The following PPP2R1B variants were observed in gnomAD, a reference collection of about 807,000 sequenced individuals.
The protein encoded by PPP2R1B is protein phosphatase 2 scaffold subunit Abeta, also known as serine/threonine-protein phosphatase 2A 65 kDa regulatory subunit A beta isoform.
A neutral mutation model predicts 72.7 loss-of-function variants in PPP2R1B; 58 were observed. The observed-to-expected ratio is 0.80, with a 90% CI of 0.65 to 0.99. The LOEUF (loss-of-function observed/expected upper bound fraction) is 0.99. Ranked by LOEUF, PPP2R1B falls within the 50% of genes least tolerant of loss-of-function variation. The pLI, the probability that PPP2R1B is intolerant of heterozygous loss-of-function variation, is 0.00. For synonymous variants in PPP2R1B, 256 were observed against 264.6 expected, an observed-to-expected ratio of 0.97 and a Z score of 0.32; for missense variants, 695 against 733.6, an observed-to-expected ratio of 0.95 and a Z score of 0.61.
intron 9 of PPP2R1B, among the ~76,000 whole-genome samples, chr11:111,752,829 G>A (rs1944959547): frequency 6.6e-6 from 1 of 152,154 alleles, no homozygotes; most frequent in Non-Finnish European, 1.5e-5. Context: ...TGGGTGCTGT[G>A]GCAGGCGCCT....
the PPP2R1B span, among the ~76,000 whole-genome samples, chr11:111,695,531 A>G: frequency 6.6e-6 from 1 of 152,336 alleles, no homozygotes; most frequent in African/African-American, 2.4e-5. Flanking sequence ...AACATTGACA[A>G]ACTGTTTAAA....
chr11:111,763,790 C>A (rs1555052088), intron 3 of PPP2R1B, among the ~76,000 whole-genome samples: 1 of 151,710 alleles, frequency 6.6e-6, no homozygotes, highest in African/African-American at 2.4e-5. Flanking sequence ...GTTTGAAATA[C>A]CTGTTTGACA....
At chr11:111,716,850 AC>A in the PPP2R1B span, among the ~76,000 whole-genome samples, 6 of 152,184 alleles carry the variant, frequency 3.9e-5, no homozygotes, top group Non-Finnish European at 8.8e-5. Context: ...CAGACAACCC[AC>A]AGAATGAGAG....
At chr11:111,745,616 T>C (rs947627244) in intron 11 of PPP2R1B, among the ~76,000 whole-genome samples, 2 of 152,184 alleles carry the variant, frequency 1.3e-5, no homozygotes, top group Non-Finnish European at 2.9e-5. Context: ...CCATCTCCTC[T>C]CAAGGCCTGG....
chr11:111,741,344 G>T lies in PPP2R1B; in HGVS notation c.*252C>A. On this transcript the variant is annotated 3_prime_UTR_variant, in exon 15 of 15. Coordinates refer to ENST00000527614, the MANE Select transcript of PPP2R1B (RefSeq NM_002716.5). The stretch of plus-strand genomic sequence containing the variant: ...CCAGGTGGTGATGGATAAAGCATTA[G>T]GAGACAATCAAGTGTCAGGAATTGG... The T allele has an allele frequency of 7.5e-7, 1 of 1,327,518 alleles. No homozygotes were observed. Among genetic ancestry groups the T allele is most frequent in the Non-Finnish European group, 9.6e-7 (1 of 1,039,352 alleles). 82.2% of individuals were successfully genotyped at this position (1,327,518 alleles called of 1,614,324 possible).
At chr11:111,736,037 G>A (rs1434743069), downstream of PPP2R1B, among the ~76,000 whole-genome samples, 1 of 152,176 alleles carries the variant, frequency 6.6e-6, no homozygotes. Flanking sequence ...AAGCCTCAGA[G>A]GCCTAGCACC....
chr11:111,703,211 C>T, the PPP2R1B span: 1 of 1,613,990 alleles, frequency 6.2e-7, no homozygotes. Context: ...AGATTGCGAG[C>T]ACCTTATCCG....
chr11:111,690,403 GT>G, the PPP2R1B span, among the ~76,000 whole-genome samples: 2 of 145,418 alleles, frequency 1.4e-5, no homozygotes, highest in African/African-American at 2.5e-5. Flanking sequence ...TCTAGGAGTT[GT>G]TTTTTTTTCC....
the PPP2R1B span, among the ~76,000 whole-genome samples, chr11:111,696,915 A>G: frequency 6.6e-6 from 1 of 152,170 alleles, no homozygotes; most frequent in Non-Finnish European, 1.5e-5. Context: ...CCACTTCACT[A>G]TATGCATTTA....
At chr11:111,715,793 C>CTTTTTTTTTTTTTTTTTTTTTTTT in the PPP2R1B span, among the ~76,000 whole-genome samples, 1 of 81,580 alleles carries the variant, frequency 1.2e-5, no homozygotes, top group East Asian at 4.2e-4. Context: ...TCATTTTTAG[C>CTTTTTTTTTTTTTTTTTTTTTTTT]TTTTTTTTTT....
chr11:111,726,279 C>G (rs1943963279), downstream of PPP2R1B: 1 of 152,190 alleles, frequency 6.6e-6, no homozygotes, highest in African/African-American at 2.4e-5. Flanking sequence ...CTCCTGCCCC[C>G]CAACAATGCC....
chr11:111,732,222 C>T (rs542194724), intron 15 of PPP2R1B, among the ~76,000 whole-genome samples: 8 of 152,192 alleles, frequency 5.3e-5, no homozygotes, highest in East Asian at 1.9e-4. Flanking sequence ...GATCTTAAAT[C>T]GAGGACTCAG....
the PPP2R1B span, chr11:111,720,071 T>C: frequency 6.8e-7 from 1 of 1,470,130 alleles, no homozygotes. Context: ...TGCCAACAAG[T>C]GGTCACGATG....
intron 4 of PPP2R1B, among the ~76,000 whole-genome samples, chr11:111,760,338 A>G (rs1945279202): frequency 6.6e-6 from 1 of 151,980 alleles, no homozygotes; most frequent in African/African-American, 2.4e-5. Context: ...GGGTCCCACC[A>G]TGCCCAGCTA....
chr11:111,753,075 C>G (rs1944971892), intron 9 of PPP2R1B, among the ~76,000 whole-genome samples: 1 of 152,154 alleles, frequency 6.6e-6, no homozygotes, highest in Non-Finnish European at 1.5e-5. Context: ...AAGGCTCATG[C>G]TTGCCATGTA....
At chr11:111,762,968 A>T (rs1555051821) in intron 3 of PPP2R1B, among the ~76,000 whole-genome samples, 1 of 152,194 alleles carries the variant, frequency 6.6e-6, no homozygotes, top group Non-Finnish European at 1.5e-5. Flanking sequence ...AAGGTTCCTC[A>T]CTCTAGTGGC....
At chr11:111,743,290 AGAC>A (rs766140480) in intron 12 of PPP2R1B, 83 bp downstream of exon 12, 8 of 1,294,528 alleles carry the variant, frequency 6.2e-6, no homozygotes, top group Non-Finnish European at 8.6e-6. Flanking sequence ...TCCAAATAGA[AGAC>A]AGTATACTGA....
the PPP2R1B span, chr11:111,712,339 T>G: frequency 6.2e-7 from 1 of 1,614,190 alleles, no homozygotes; most frequent in African/African-American, 1.3e-5. Flanking sequence ...AGGCGGAAGC[T>G]GCATTCATGG....
At chr11:111,719,953 G>A in the PPP2R1B span, 3 of 1,614,134 alleles carry the variant, frequency 1.9e-6, no homozygotes, top group African/African-American at 1.3e-5. Flanking sequence ...GGGCAGAGAC[G>A]GCACACTCTG....
Sources: allele counts gnomAD v4.1 joint callset (sites outside exome capture counted in the v4.1 genomes callset), GRCh38; gene constraint gnomAD v4.1.1; transcripts MANE v1.5; gene names NCBI Gene and HGNC (gene_info 2026-07-23, HGNC 2026-07-21).